Variants in DEPTOR observed in about 807,000 individuals in gnomAD.
DEPTOR encodes the protein DEP domain-containing mTOR-interacting protein.
A neutral mutation model predicts 41.6 loss-of-function variants in DEPTOR; 41 were observed. The observed-to-expected ratio is 0.98, with a 90% CI of 0.77 to 1.28. The LOEUF (loss-of-function observed/expected upper bound fraction) is 1.28. Ranked by LOEUF, DEPTOR falls within the 50% of genes most tolerant of loss-of-function variation. The pLI is 0.00. For synonymous variants in DEPTOR, 195 were observed against 192.3 expected (o/e 1.01, Z -0.12); for missense variants, 514 against 527.9 (o/e 0.97, Z 0.26).
intron 1 of DEPTOR, among the ~76,000 whole-genome samples, chr8:119,926,580 A>T (rs1020608736): frequency 6.6e-6 from 1 of 152,192 alleles, no homozygotes; most frequent in African/African-American, 2.4e-5. Context: ...TTTGCTGTTT[A>T]TCTGAAATTC....
chr8:119,992,891 A>G (rs1812194201), intron 4 of DEPTOR, among the ~76,000 whole-genome samples: 1 of 152,074 alleles, frequency 6.6e-6, no homozygotes. Flanking sequence ...TCCTGACCCC[A>G]GGTGACCCAC....
chr8:120,016,653 A>G (rs1238641274), intron 8 of DEPTOR, among the ~76,000 whole-genome samples: 1 of 151,176 alleles, frequency 6.6e-6, no homozygotes, highest in Non-Finnish European at 1.5e-5. Context: ...CCCAGTCTGG[A>G]GTGCAGTGGC....
intron 4 of DEPTOR, among the ~76,000 whole-genome samples, chr8:119,979,499 G>A (rs746601359): frequency 3.9e-5 from 6 of 152,054 alleles, no homozygotes; most frequent in South Asian, 4.1e-4. Flanking sequence ...CTGACCTCAC[G>A]TGATGCACCC....
intron 8 of DEPTOR, among the ~76,000 whole-genome samples, chr8:120,026,991 G>A (rs898045158): frequency 6.6e-6 from 1 of 152,058 alleles, no homozygotes; most frequent in Non-Finnish European, 1.5e-5. Flanking sequence ...GACCGAGGTG[G>A]GTGGATCACC....
intron 1 of DEPTOR, among the ~76,000 whole-genome samples, chr8:119,915,945 T>TAAAA (rs201870960): frequency 7.9e-5 from 10 of 126,610 alleles, no homozygotes; most frequent in South Asian, 2.6e-4. Flanking sequence ...CTTCATTTGT[T>TAAAA]AAAAAAAAAA....
intron 4 of DEPTOR, among the ~76,000 whole-genome samples, chr8:119,991,035 T>TG (rs1491558867): frequency 1.2e-5 from 1 of 80,710 alleles, no homozygotes; most frequent in Non-Finnish European, 2.5e-5. Context: ...TTTTCTTTTC[T>TG]TTCTTTCTTT....
At chr8:119,998,321 A>G (rs1812299728) in intron 4 of DEPTOR, among the ~76,000 whole-genome samples, 1 of 152,216 alleles carries the variant, frequency 6.6e-6, no homozygotes, top group African/African-American at 2.4e-5. Flanking sequence ...CCTGACCTCA[A>G]GTGATTCACC....
chr8:119,939,618 G>T (rs1828175662), intron 3 of DEPTOR, among the ~76,000 whole-genome samples: 1 of 152,050 alleles, frequency 6.6e-6, no homozygotes, highest in African/African-American at 2.4e-5. Flanking sequence ...CTCCCGAATA[G>T]CTGGGAGTAT....
chr8:119,967,377 G>C (rs1828576143), intron 4 of DEPTOR, among the ~76,000 whole-genome samples: 1 of 151,586 alleles, frequency 6.6e-6, no homozygotes, highest in Admixed American at 6.6e-5. Flanking sequence ...ACCATGCCCG[G>C]CTTGGAATGG....
chr8:119,946,469 C>T (rs1586627347), intron 3 of DEPTOR, among the ~76,000 whole-genome samples: 1 of 150,474 alleles, frequency 6.6e-6, no homozygotes, highest in African/African-American at 2.4e-5. Flanking sequence ...AGGCCGGGTG[C>T]AGTGGCTCAT....
At chr8:120,041,142 A>G (rs1220031669) in intron 8 of DEPTOR, among the ~76,000 whole-genome samples, 1 of 152,228 alleles carries the variant, frequency 6.6e-6, no homozygotes, top group Non-Finnish European at 1.5e-5. Context: ...CATGAATGCA[A>G]CAATTTCTGG....
intron 1 of DEPTOR, among the ~76,000 whole-genome samples, chr8:119,915,990 T>C (rs1216044251): frequency 1.4e-5 from 2 of 147,496 alleles, no homozygotes; most frequent in Non-Finnish European, 1.5e-5. Flanking sequence ...CTTAGTGGCC[T>C]CTTGATGGCA....
At chr8:120,030,509 T>TTTG (rs1812873845) in intron 8 of DEPTOR, among the ~76,000 whole-genome samples, 1 of 127,018 alleles carries the variant, frequency 7.9e-6, no homozygotes, top group Non-Finnish European at 1.7e-5. Flanking sequence ...TTTTTTTTTT[T>TTTG]TTTTTTTTTT....
intron 1 of DEPTOR, among the ~76,000 whole-genome samples, chr8:119,904,509 T>A (rs916859114): frequency 2.6e-5 from 4 of 152,130 alleles, no homozygotes; most frequent in African/African-American, 4.8e-5. Context: ...TTATTTATTT[T>A]TTTGAGGCAG....
chr8:119,932,583 A>G lies in DEPTOR; in HGVS notation c.425+2645A>G, dbSNP rs541210376. On this transcript the variant is annotated intron_variant, in intron 3 of 8. Coordinates refer to ENST00000286234, the MANE Select transcript of DEPTOR (RefSeq NM_022783.4). ...TTAATGCATTAATTATTCAACAAAT[A>G]TAGATTGAGCCCTTTCCACATGCTA... Among the ~76,000 whole-genome samples, 4 of 152,294 alleles carry G rather than the reference A, an allele frequency of 2.6e-5. No individual in the cohort carries two copies. The South Asian group carries it at 6.2e-4, about 24-fold the overall frequency.
At chr8:119,899,965 A>T (rs1827565103) in intron 1 of DEPTOR, among the ~76,000 whole-genome samples, 1 of 152,144 alleles carries the variant, frequency 6.6e-6, no homozygotes, top group Admixed American at 6.6e-5. Flanking sequence ...GTAATCAAAG[A>T]ACCATAATTA....
At chr8:119,928,725 G>T in intron 2 of DEPTOR, 147 bp downstream of exon 2, 1 of 666,570 alleles carries the variant, frequency 1.5e-6, no homozygotes, top group Non-Finnish European at 2.2e-6. Flanking sequence ...CTGCCTCTAA[G>T]AGGCATTTGG....
At chr8:120,043,156 T>C (rs916250351) in intron 8 of DEPTOR, among the ~76,000 whole-genome samples, 1 of 151,996 alleles carries the variant, frequency 6.6e-6, no homozygotes, top group African/African-American at 2.4e-5. Context: ...AGTTCTTTAG[T>C]GGTGATTTGT....
intron 8 of DEPTOR, among the ~76,000 whole-genome samples, chr8:120,009,655 A>G (rs2130105742): frequency 6.6e-6 from 1 of 152,080 alleles, no homozygotes; most frequent in East Asian, 1.9e-4. Flanking sequence ...CAACAAAACA[A>G]CATTTAGCAG....
Sources: allele counts gnomAD v4.1 joint callset (sites outside exome capture counted in the v4.1 genomes callset), GRCh38; gene constraint gnomAD v4.1.1; transcripts MANE v1.5; gene names NCBI Gene and HGNC (gene_info 2026-07-23, HGNC 2026-07-21).